The following RNF213 variants were observed in gnomAD, a reference collection of about 807,000 sequenced individuals.
The protein encoded by RNF213 is E3 ubiquitin-protein ligase RNF213.
In RNF213, 341 loss-of-function variants were observed where a neutral mutation model predicts 514.4. That is an observed-to-expected ratio of 0.66 (90% CI 0.61 to 0.73). The LOEUF (loss-of-function observed/expected upper bound fraction) is 0.73, where lower values mean the gene tolerates loss of function less well. RNF213 is among the 30% of genes least tolerant of loss of function. The pLI is 0.00. For missense variants in RNF213, 5,767 were observed against 6,615.6 expected (o/e 0.87, Z 4.45); for synonymous variants, 2,655 against 2,658.2 (o/e 1.00, Z 0.04).
At chr17:80,335,471 C>T (rs2144017416) in intron 22 of RNF213, among the ~76,000 whole-genome samples, 1 of 152,262 alleles carries the variant, frequency 6.6e-6, no homozygotes, top group South Asian at 2.1e-4. Flanking sequence ...CACACTGATG[C>T]ACATCCTTCA....
chr17:80,350,201 G>T, intron 30 of RNF213, 100 bp from the exon 31 acceptor site: 1 of 851,074 alleles, frequency 1.2e-6, no homozygotes, highest in Non-Finnish European at 2.0e-6. Flanking sequence ...CTGAGTAGCT[G>T]TTTCTTTGTA....
At chr17:80,312,892 A>G in intron 14 of RNF213, 120 bp from the exon 15 acceptor site, 2 of 1,116,978 alleles carry the variant, frequency 1.8e-6, no homozygotes, top group Middle Eastern at 2.7e-4. Context: ...TGGTCCCTCC[A>G]TCGTAGCCAC....
At position 80,347,741 on chromosome 17, in the gene RNF213, C is replaced by T; in HGVS notation, c.9406C>T (p.His3136Tyr). 6.2e-7 allele frequency: 1 copy of T among 1,614,172 alleles called. No homozygotes were observed. Among genetic ancestry groups the T allele is most frequent in the South Asian group, 1.1e-5 (1 of 91,090 alleles). ...GTACGTGGACCTCGGTCTGGGGACC[C>T]ACCGCGTCAAATGTCGGGTTCACCC... ...QKYVDLGLGT[H>Y]RVKCRVHPNF... The change falls in exon 29 of 68, where the codon CAC becomes TAC. Residue 3136 changes from histidine (H) to tyrosine (Y), a missense_variant. By Grantham distance (83) the His-to-Tyr change is moderately conservative. Around this residue, in one of 13 missense-constraint regions of RNF213, gnomAD observed 919 missense variants for 1,121.0 expected, o/e 0.82. Transcript: ENST00000582970. The surrounding 1 kb of genome is among the most constrained non-coding windows in gnomAD (Gnocchi z 7.2).
At chr17:80,355,454 AG>A (rs1389940989) in intron 36 of RNF213, among the ~76,000 whole-genome samples, 1 of 78,558 alleles carries the variant, frequency 1.3e-5, no homozygotes, top group East Asian at 3.6e-4. Context: ...GGGCTCACGG[AG>A]GAAGAGGGGT....
chr17:80,324,671 A>G (rs2046232597), intron 17 of RNF213, among the ~76,000 whole-genome samples: 1 of 152,224 alleles, frequency 6.6e-6, no homozygotes, highest in Non-Finnish European at 1.5e-5. Context: ...GTTTAGGAAC[A>G]TAAAATATAT....
At chr17:80,291,916 G>T (rs1190804995) in intron 8 of RNF213, 89 bp downstream of exon 8, 2 of 1,436,720 alleles carry the variant, frequency 1.4e-6, no homozygotes, top group African/African-American at 2.8e-5. Context: ...GGAGAGCACA[G>T]ACTTTGCCTG....
At chr17:80,289,924 AG>A in intron 6 of RNF213, 87 bp downstream of exon 6, 1 of 1,403,500 alleles carries the variant, frequency 7.1e-7, no homozygotes, top group South Asian at 1.2e-5. Context: ...GGGGATATCC[AG>A]GCTGCCCTTC....
At chr17:80,262,427 G>A (rs1444841559) in intron 1 of RNF213, among the ~76,000 whole-genome samples, 2 of 152,086 alleles carry the variant, frequency 1.3e-5, no homozygotes, top group African/African-American at 4.8e-5. Context: ...GAGAGGGGAG[G>A]TGTGCAGGGT....
At chr17:80,357,466 C>G (rs945430674) in intron 36 of RNF213, among the ~76,000 whole-genome samples, 1 of 152,134 alleles carries the variant, frequency 6.6e-6, no homozygotes, top group African/African-American at 2.4e-5. Flanking sequence ...TCAACAGGAA[C>G]AAATACTTAG....
intron 37 of RNF213, among the ~76,000 whole-genome samples, chr17:80,359,584 A>G (rs995154668): frequency 7.1e-6 from 1 of 140,306 alleles, no homozygotes; most frequent in African/African-American, 2.6e-5. Context: ...AGAAGGAAGA[A>G]AGAGAAAGAA....
In RNF213 at chr17:80,345,045, C is replaced by T. The variant is rs748459913; in HGVS notation, c.6710C>T (p.Pro2237Leu). Reference sequence around the variant, plus strand: ...TGTGAGGCCTCTCTCTTCTGCAATCCGAGTTTTATTGGCGACACACTGAGG... The same window carrying T: ...TGTGAGGCCTCTCTCTTCTGCAATCTGAGTTTTATTGGCGACACACTGAGG... The part of the protein sequence containing the change: ...RDCEASLFCN[P>L]SFIGDTLRGF... Residue 2237 changes from proline (P) to leucine (L), a missense_variant, in exon 29 of 68, where the codon CCG becomes CTG. By Grantham distance (98) the Pro-to-Leu change is moderately conservative (BLOSUM62 -3). Around this residue, in one of 13 missense-constraint regions of RNF213, gnomAD observed 1,377 missense variants for 1,635.2 expected, o/e 0.84. Transcript: ENST00000582970. The surrounding 1 kb of genome is among the most constrained non-coding windows in gnomAD (Gnocchi z 6.0). 11 of 1,613,940 alleles carry T rather than the reference C, an allele frequency of 6.8e-6. No homozygotes were observed. Among genetic ancestry groups the T allele is most frequent in the South Asian group, 3.3e-5 (3 of 91,084 alleles).
At chr17:80,269,724 A>G (rs1247912270) in intron 2 of RNF213, among the ~76,000 whole-genome samples, 2 of 151,540 alleles carry the variant, frequency 1.3e-5, no homozygotes, top group African/African-American at 2.4e-5. Context: ...CCATTCATCT[A>G]TCCCATCTTA....
Position 80,389,331 on chromosome 17 carries a change from C to A in RNF213, c.15159C>A (p.Ile5053=), listed in dbSNP as rs2080367918. Residue 5053 remains isoleucine (I), a synonymous_variant, in exon 65 of 68, where the codon ATC becomes ATA. Coordinates refer to ENST00000582970, the MANE Select transcript of RNF213 (RefSeq NM_001256071.3). ...AGCTGAATGTGTATACTCAAGACAT[C>A]CTGCAAATGGGTGATCAGACGATTC... is the stretch of plus-strand genomic sequence containing the variant. ...NMQLNVYTQD[I]LQMGDQTIHV... 1 of 1,614,060 alleles carries A rather than the reference C, an allele frequency of 6.2e-7. No individual in the cohort carries two copies. The highest frequency in any genetic ancestry group is 1.1e-5 in the South Asian group (1 of 91,088).
Position 80,289,669 on chromosome 17 carries a change from C to G in RNF213, c.944C>G (p.Thr315Ser). ...GGTTCCTTGTTCCAGGAAGCTGAGA[C>G]CAAGACCAAGGACGAGATGGCTGCT... The part of the protein sequence containing the change: ...PFKTHCQEAE[T>S]KTKDEMAAAE... The change falls in exon 6 of 68, where the codon ACC becomes AGC. Residue 315 changes from threonine to serine, a missense_variant. By Grantham distance (58) the Thr-to-Ser change is moderately conservative. Around this residue, in one of 13 missense-constraint regions of RNF213, gnomAD observed 509 missense variants for 496.7 expected, o/e 1.02. Transcript: ENST00000582970. 8 of 1,613,446 alleles carry G rather than the reference C, an allele frequency of 5.0e-6. No homozygotes were observed. Among genetic ancestry groups the G allele is most frequent in the Non-Finnish European group, 5.9e-6 (7 of 1,179,974 alleles).
At chr17:80,284,077 C>A (rs953209866) in intron 3 of RNF213, among the ~76,000 whole-genome samples, 2 of 149,764 alleles carry the variant, frequency 1.3e-5, no homozygotes, top group Non-Finnish European at 3.0e-5. Flanking sequence ...ATGAAAATTA[C>A]GGCCGGGCAC....
At chr17:80,350,438 C>T (rs1290904299) in intron 31 of RNF213, 42 bp downstream of exon 31, 1 of 1,288,544 alleles carries the variant, frequency 7.8e-7, no homozygotes, top group South Asian at 1.2e-5. Flanking sequence ...GTAAAAAACC[C>T]AAAACGTAGG....
At chr17:80,295,119 C>A in intron 9 of RNF213, 116 bp downstream of exon 9, 1 of 1,180,492 alleles carries the variant, frequency 8.5e-7, no homozygotes, top group Non-Finnish European at 1.2e-6. Context: ...ATGTGTAGAA[C>A]TTTCCAGCCT....
Position 80,343,449 on chromosome 17 carries a change from C to A in RNF213, c.6183+124C>A. On this transcript the variant is annotated intron_variant, in intron 27 of 67. Transcript: ENST00000582970. The surrounding 1 kb of genome is among the most constrained non-coding windows in gnomAD (Gnocchi z 4.3). ...ACACGCACAGTCCTGTGAAGCTTAA[C>A]AGTGGGAATGTGCTCTGAGAAGTGT... is the stretch of plus-strand genomic sequence containing the variant. 1.1e-6 allele frequency: 1 copy of A among 900,590 alleles called. No homozygotes were observed. The highest frequency in any genetic ancestry group is 1.8e-6 in the Non-Finnish European group (1 of 564,430). The allele number at this position is 900,590 out of a possible 1,614,324, so 55.8% of individuals were successfully genotyped here. A position where few individuals can be genotyped will look rare whatever the true frequency, so the allele number is the denominator to read the frequency against.
In RNF213 at chr17:80,396,582, C is replaced by A. The variant is rs1379934633; in HGVS notation, c.*3084C>A. 1.3e-5 allele frequency: 2 copies of A among 152,204 alleles called. No individual in the cohort carries two copies. Among genetic ancestry groups the A allele is most frequent in the African/African-American group, 4.8e-5 (2 of 41,438 alleles). The allele number at this position is 152,204 out of a possible 1,614,324, so 9.4% of individuals were successfully genotyped here. On this transcript the variant is annotated 3_prime_UTR_variant, in exon 68 of 68. Coordinates refer to ENST00000582970, the MANE Select transcript of RNF213 (RefSeq NM_001256071.3). ...GGAGGTGGCTGGAGAAAACCTGAGC[C>A]TCGAGCTGAGTAACAATCCAAGCCA...
Sources: allele counts gnomAD v4.1 joint callset (sites outside exome capture counted in the v4.1 genomes callset), GRCh38; gene constraint gnomAD v4.1.1; regional missense constraint gnomAD v4.1.1; non-coding constraint Gnocchi (gnomAD v3.1); transcripts MANE v1.5; gene names NCBI Gene and HGNC (gene_info 2026-07-23, HGNC 2026-07-21).